The following SVOPL variants were observed in gnomAD, a reference collection of about 807,000 sequenced individuals.
SVOPL encodes the protein SVOP like.
In SVOPL, 60 loss-of-function variants were observed where a neutral mutation model predicts 61.0. That is an observed-to-expected ratio of 0.98 (90% CI 0.80 to 1.22). SVOPL has a LOEUF of 1.22. Ranked by LOEUF, SVOPL falls within the 50% of genes most tolerant of loss-of-function variation. SVOPL has a pLI of 0.00. For missense variants in SVOPL, 662 were observed against 643.9 expected (o/e 1.03, Z -0.30); for synonymous variants, 279 against 250.0 (o/e 1.12, Z -1.09).
At chr7:138,674,105 T>C (rs1428438837) in intron 3 of SVOPL, among the ~76,000 whole-genome samples, 1 of 151,806 alleles carries the variant, frequency 6.6e-6, no homozygotes, top group Non-Finnish European at 1.5e-5. Flanking sequence ...GGAGAATTGC[T>C]TGAACCTGGG....
chr7:138,671,586 G>C (rs1397136900), intron 4 of SVOPL, among the ~76,000 whole-genome samples: 2 of 152,114 alleles, frequency 1.3e-5, no homozygotes, highest in African/African-American at 2.4e-5. Flanking sequence ...GACCTCAGGT[G>C]ATCTGCCTGC....
At chr7:138,621,192 C>T in intron 13 of SVOPL, 57 bp from the exon 14 acceptor site, 2 of 1,474,102 alleles carry the variant, frequency 1.4e-6, no homozygotes, top group Non-Finnish European at 9.3e-7. Context: ...TCCCCGAGCC[C>T]TCCTCTTCCC....
intron 6 of SVOPL, 45 bp from the exon 7 acceptor site, chr7:138,656,556 A>T: frequency 6.3e-7 from 1 of 1,593,080 alleles, no homozygotes; most frequent in South Asian, 1.1e-5. Flanking sequence ...TTAAAAAACT[A>T]AATCATCTTT....
intron 5 of SVOPL, chr7:138,662,551 AG>A: frequency 1.0e-6 from 1 of 985,824 alleles, no homozygotes; most frequent in South Asian, 4.7e-5. Flanking sequence ...TGAAAACCAG[AG>A]GAAAAAACCT....
At chr7:138,598,680 A>G (rs867401681) in intron 14 of SVOPL, among the ~76,000 whole-genome samples, 62 of 152,354 alleles carry the variant, frequency 4.1e-4, no homozygotes, top group African/African-American at 1.5e-3. Flanking sequence ...AAACACTTCT[A>G]TGTAATCCAT....
chr7:138,612,636 C>G (rs1157146929), intron 14 of SVOPL, among the ~76,000 whole-genome samples: 1 of 151,858 alleles, frequency 6.6e-6, no homozygotes, highest in Non-Finnish European at 1.5e-5. Context: ...CTGCCTCAGC[C>G]TCCTGAGTAG....
intron 4 of SVOPL, among the ~76,000 whole-genome samples, chr7:138,671,034 G>T (rs905636935): frequency 1.3e-5 from 2 of 152,100 alleles, no homozygotes; most frequent in Admixed American, 6.6e-5. Context: ...GTTGATTTTG[G>T]TTATAAGAAA....
At position 138,601,466 on chromosome 7, in the gene SVOPL, G is replaced by T. The variant is rs538644167; in HGVS notation, c.1354-4936C>A. 1.9e-3 allele frequency among the ~76,000 whole-genome samples: 294 copies of T among 151,962 alleles called. 1 individual carries two copies. Among genetic ancestry groups the T allele is most frequent in the African/African-American group, 6.9e-3 (284 of 41,454 alleles). ...ATGCCATTTGCAACAACATGAATGA[G>T]CCTAGAGGACATTATGCTAAAAACT... On this transcript the variant is annotated intron_variant, in intron 14 of 15. Transcript: ENST00000674285.
chr7:138,664,963 A>C (rs1285118061), intron 4 of SVOPL, among the ~76,000 whole-genome samples: 1 of 12,058 alleles, frequency 8.3e-5, no homozygotes, highest in Non-Finnish European at 1.4e-4. Context: ...TTCCCCCGAC[A>C]CTTCCCCCAT....
intron 7 of SVOPL, among the ~76,000 whole-genome samples, chr7:138,649,362 C>T (rs538565607): frequency 2.6e-5 from 4 of 152,138 alleles, no homozygotes; most frequent in Non-Finnish European, 4.4e-5. Context: ...GATCCAACCT[C>T]GGCTCACTGA....
chr7:138,652,771 C>T (rs1015608342), intron 7 of SVOPL, among the ~76,000 whole-genome samples: 7 of 151,998 alleles, frequency 4.6e-5, no homozygotes, highest in Admixed American at 2.6e-4. Context: ...ATTACAGGTG[C>T]ACGCCACCAC....
intron 1 of SVOPL, chr7:138,689,067 C>G (rs1802881382): frequency 1.4e-6 from 1 of 730,854 alleles, no homozygotes; most frequent in East Asian, 2.8e-5. Context: ...TAAGAACACT[C>G]ATGACACTTC....
chr7:138,642,848 A>AAAAAAAAAAAAAAAAAAG (rs1437306629), intron 9 of SVOPL, among the ~76,000 whole-genome samples: 1 of 35,446 alleles, frequency 2.8e-5, no homozygotes, highest in East Asian at 6.7e-4. Flanking sequence ...AAAAAAAAAA[A>AAAAAAAAAAAAAAAAAAG]AAGAAGAAAC....
intron 7 of SVOPL, among the ~76,000 whole-genome samples, chr7:138,654,504 T>TTTG (rs1554469451): frequency 6.8e-6 from 1 of 147,688 alleles, no homozygotes; most frequent in Non-Finnish European, 1.5e-5. Flanking sequence ...GAGTTTGTTT[T>TTTG]TTTTTTTTTT....
Position 138,663,156 on chromosome 7 carries a change from G to A in SVOPL, c.274-11C>T. On this transcript the variant is annotated splice_polypyrimidine_tract_variant and intron_variant, in intron 4 of 15. Coordinates refer to ENST00000674285, the MANE Select transcript of SVOPL (RefSeq NM_001139456.2). ...GCCAAAAAACACCATCTGCAAGTGG[G>A]AGCGAGATAAAACGGTTCTCTAAGC... The A allele has an allele frequency of 2.5e-6, 4 of 1,612,660 alleles. No individual in the cohort carries two copies. The highest frequency in any genetic ancestry group is 3.4e-6 in the Non-Finnish European group (4 of 1,179,430).
chr7:138,594,756 C>T, intron 15 of SVOPL, 135 bp from the exon 16 acceptor site: 1 of 561,734 alleles, frequency 1.8e-6, no homozygotes, highest in South Asian at 3.7e-5. Context: ...CTAGCATTTA[C>T]CTTTGTGTAT....
chr7:138,597,051 T>C, intron 14 of SVOPL: 2 of 1,158,794 alleles, frequency 1.7e-6, no homozygotes, highest in Non-Finnish European at 2.2e-6. Flanking sequence ...ACCAAAACTC[T>C]TTGGTGTCAA....
chr7:138,661,057 C>A, intron 5 of SVOPL: 1 of 984,686 alleles, frequency 1.0e-6, no homozygotes, highest in Non-Finnish European at 1.2e-6. Context: ...TTTTGAGATA[C>A]TCGTGTTTTC....
chr7:138,634,978 G>A (rs896533069), intron 9 of SVOPL, among the ~76,000 whole-genome samples: 35 of 152,026 alleles, frequency 2.3e-4, no homozygotes, highest in Non-Finnish European at 4.6e-4. Context: ...ATTTTAAAAG[G>A]TTAATATGGG....
Sources: allele counts gnomAD v4.1 joint callset (sites outside exome capture counted in the v4.1 genomes callset), GRCh38; gene constraint gnomAD v4.1.1; transcripts MANE v1.5; gene names NCBI Gene and HGNC (gene_info 2026-07-23, HGNC 2026-07-21).